The following FBXL19 variants were observed in gnomAD, a reference collection of about 807,000 sequenced individuals.
FBXL19 encodes F-box/LRR-repeat protein 19.
FBXL19 carries 16 observed loss-of-function variants against 71.2 expected under a neutral mutation model. That is an observed-to-expected ratio of 0.22 (90% CI 0.15 to 0.34). The LOEUF (loss-of-function observed/expected upper bound fraction) is 0.34, where lower values mean the gene tolerates loss of function less well. FBXL19 is among the 10% of genes least tolerant of loss of function. FBXL19 has a pLI of 1.00. For missense variants in FBXL19, 658 were observed against 968.2 expected (o/e 0.68, Z 4.25); for synonymous variants, 447 against 409.4 (o/e 1.09, Z -1.11).
At position 30,923,704 on chromosome 16, in the gene FBXL19, C is replaced by T. The variant is rs1035879823; in HGVS notation, c.-780C>T. On this transcript the variant is annotated 5_prime_UTR_variant, in exon 1 of 11. Coordinates refer to ENST00000338343, the MANE Select transcript of FBXL19 (RefSeq NM_001382779.1). ...CTGCCCCCTTCCCCTTTCCCTCTCCCCCTCTATCCTTTCCTTCCACCCTCC... is the reference window on the plus strand; with the variant it reads ...CTGCCCCCTTCCCCTTTCCCTCTCCTCCTCTATCCTTTCCTTCCACCCTCC... 3.3e-5 allele frequency among the ~76,000 whole-genome samples: 5 copies of T among 151,810 alleles called. No individual in the cohort carries two copies. Among genetic ancestry groups the T allele is most frequent in the Admixed American group, 6.6e-5 (1 of 15,260 alleles).
intron 7 of FBXL19, among the ~76,000 whole-genome samples, chr16:30,935,299 CAA>C (rs2055720499): frequency 2.0e-5 from 3 of 152,198 alleles, no homozygotes; most frequent in South Asian, 2.1e-4. Context: ...GAGTGAAGGA[CAA>C]GAGAGCAGGA....
At position 30,925,237 on chromosome 16, in the gene FBXL19, G is replaced by A. The variant is rs1280866663; in HGVS notation, c.-24-494G>A. 1.3e-5 allele frequency among the ~76,000 whole-genome samples: 2 copies of A among 152,050 alleles called. No individual in the cohort carries two copies. Among genetic ancestry groups the A allele is most frequent in the Non-Finnish European group, 1.5e-5 (1 of 67,998 alleles). ...TGTGGATGAAAAGGTTGGTGGGGCG[G>A]GGGGGAGGAAAAGTCCGGAGCTTCC... On this transcript the variant is annotated intron_variant, in intron 1 of 10. Transcript: ENST00000338343. This position sits in a 1 kb window ranked among gnomAD's most constrained non-coding sequence, Gnocchi z 5.0.
intron 7 of FBXL19, among the ~76,000 whole-genome samples, chr16:30,937,948 G>C (rs779421331): frequency 3.9e-5 from 6 of 152,140 alleles, no homozygotes; most frequent in Admixed American, 1.3e-4. Context: ...GGATAGAGCA[G>C]ATGTCACCGA....
At chr16:30,924,662 C>A in intron 1 of FBXL19, 3 of 1,410,756 alleles carry the variant, frequency 2.1e-6, no homozygotes, top group Non-Finnish European at 2.8e-6. Context: ...TTGAAAGCCC[C>A]CACCCCCGCC....
chr16:30,945,181 A>G (rs1050963288), intron 9 of FBXL19, among the ~76,000 whole-genome samples: 3 of 152,184 alleles, frequency 2.0e-5, no homozygotes, highest in African/African-American at 7.2e-5. Flanking sequence ...AGTTTATCTT[A>G]GGGATAGGCT....
At chr16:30,926,016 T>G in intron 2 of FBXL19, 85 bp downstream of exon 2, 1 of 1,366,772 alleles carries the variant, frequency 7.3e-7, no homozygotes. Context: ...CAGCCTGTAC[T>G]GTGGAGTGGC....
intron 6 of FBXL19, 118 bp downstream of exon 6, chr16:30,928,746 G>C: frequency 1.3e-6 from 1 of 794,246 alleles, no homozygotes; most frequent in Non-Finnish European, 1.7e-6. Context: ...ACTTGGCCAC[G>C]GTGGGTGTCC....
intron 6 of FBXL19, among the ~76,000 whole-genome samples, chr16:30,929,389 C>G (rs1383985340): frequency 6.6e-6 from 1 of 152,130 alleles, no homozygotes; most frequent in African/African-American, 2.4e-5. Context: ...AGTTGATAGA[C>G]AGACGCCTGC....
intron 7 of FBXL19, among the ~76,000 whole-genome samples, chr16:30,941,447 C>T (rs1459157353): frequency 6.6e-6 from 1 of 152,148 alleles, no homozygotes; most frequent in Non-Finnish European, 1.5e-5. Context: ...GCCTGGGTTA[C>T]AGAGTGAGAC....
At chr16:30,941,653 A>G (rs954456923) in intron 7 of FBXL19, among the ~76,000 whole-genome samples, 1 of 152,192 alleles carries the variant, frequency 6.6e-6, no homozygotes, top group Non-Finnish European at 1.5e-5. Flanking sequence ...GCAAGGACCC[A>G]TGAGCACCAG....
chr16:30,937,445 G>C (rs945209499), intron 7 of FBXL19, among the ~76,000 whole-genome samples: 8 of 152,204 alleles, frequency 5.3e-5, no homozygotes, highest in Admixed American at 4.6e-4. Flanking sequence ...ACTGCGGACT[G>C]TCCATGTCTC....
At chr16:30,929,381 T>G (rs948390862) in intron 6 of FBXL19, among the ~76,000 whole-genome samples, 1 of 152,094 alleles carries the variant, frequency 6.6e-6, no homozygotes, top group Admixed American at 6.6e-5. Flanking sequence ...TTACCCTCAG[T>G]TGATAGACAG....
chr16:30,928,212 G>A (rs1221664558), intron 5 of FBXL19, among the ~76,000 whole-genome samples: 13 of 152,098 alleles, frequency 8.5e-5, no homozygotes, highest in Admixed American at 8.5e-4. Flanking sequence ...TAGGGAGGCA[G>A]GAGAGAGCAT....
In FBXL19 at chr16:30,942,320, A is replaced by G. The variant is rs772392390; in HGVS notation, c.1465+41A>G. The G allele has an allele frequency of 2.5e-6, 4 of 1,599,280 alleles. No homozygotes were observed. Among genetic ancestry groups the G allele is most frequent in the Non-Finnish European group, 3.4e-6 (4 of 1,170,916 alleles). ...CGGAGGACAGGGTGGGGACAGGGAC[A>G]GGCCTGGGATGGAGTCCTCACAGCA... On this transcript the variant is annotated intron_variant, in intron 8 of 10. Coordinates refer to ENST00000338343, the MANE Select transcript of FBXL19 (RefSeq NM_001382779.1). The surrounding 1 kb of genome is among the most constrained non-coding windows in gnomAD (Gnocchi z 5.7).
intron 7 of FBXL19, among the ~76,000 whole-genome samples, chr16:30,940,258 CAAA>C (rs879944923): frequency 2.6e-5 from 3 of 115,708 alleles, no homozygotes; most frequent in African/African-American, 3.3e-5. Flanking sequence ...AACTCTGTCT[CAAA>C]AAAAAAAAAA....
chr16:30,938,504 A>G (rs2055762326), intron 7 of FBXL19, among the ~76,000 whole-genome samples: 1 of 152,130 alleles, frequency 6.6e-6, no homozygotes, highest in Non-Finnish European at 1.5e-5. Context: ...ACTTTGTCTG[A>G]AAAAAATAAT....
chr16:30,946,993 C>A lies in FBXL19; in HGVS notation c.1846+45C>A, dbSNP rs771421295. On this transcript the variant is annotated intron_variant, in intron 10 of 10. Coordinates refer to ENST00000338343, the MANE Select transcript of FBXL19 (RefSeq NM_001382779.1). The surrounding 1 kb of genome is among the most constrained non-coding windows in gnomAD (Gnocchi z 6.7). ...CGTCCTGCCAGCCTGTGGATCCCCA[C>A]GGCCAGTGCCAACCCCTTGCTCACC... 1.3e-6 allele frequency: 2 copies of A among 1,578,684 alleles called. No homozygotes were observed. The highest frequency in any genetic ancestry group is 2.3e-5 in the South Asian group (2 of 86,984).
rs201873980 is a variant in FBXL19, at chr16:30,927,843, A to G, written c.507A>G (p.Pro169=). The change falls in exon 5 of 11, where the codon CCA becomes CCG. Residue 169 remains proline (P), a synonymous_variant. Coordinates refer to ENST00000338343, the MANE Select transcript of FBXL19 (RefSeq NM_001382779.1). ...AGCTGACAGAGGAGCCACCGCTTCC[A>G]CCGCCCCCGCCCAGGCGCAAGGGCC... ...GWKLTEEPPL[P]PPPPRRKGPL... is the part of the protein sequence containing the mutation. 6.5e-7 allele frequency: 1 copy of G among 1,545,734 alleles called. No homozygotes were observed. Among genetic ancestry groups the G allele is most frequent in the South Asian group, 1.2e-5 (1 of 83,766 alleles).
In FBXL19 at chr16:30,946,805, C is replaced by CCCTGCGTCT. The variant is rs1689784170; in HGVS notation, c.1709_1717dup (p.Arg570_Leu572dup). 6.2e-7 allele frequency: 1 copy of CCCTGCGTCT among 1,613,078 alleles called. No individual in the cohort carries two copies. Among genetic ancestry groups the CCCTGCGTCT allele is most frequent in the Admixed American group, 1.7e-5 (1 of 59,924 alleles). ...GCAGGTTTGGAGCTGACAGATGCCTCCCTGCGTCTCCTGCTGCGTCACGCA... is the reference window on the plus strand; with the variant it reads ...GCAGGTTTGGAGCTGACAGATGCCTCCCTGCGTCTCCTGCGTCTCCTGCTGCGTCACGCA... On this transcript the variant is annotated inframe_insertion, in exon 10 of 11. Coordinates refer to ENST00000338343, the MANE Select transcript of FBXL19 (RefSeq NM_001382779.1). The surrounding 1 kb of genome is among the most constrained non-coding windows in gnomAD (Gnocchi z 6.7).
Sources: allele counts gnomAD v4.1 joint callset (sites outside exome capture counted in the v4.1 genomes callset), GRCh38; gene constraint gnomAD v4.1.1; non-coding constraint Gnocchi (gnomAD v3.1); transcripts MANE v1.5; gene names NCBI Gene and HGNC (gene_info 2026-07-23, HGNC 2026-07-21).